KDM3B: variants seen among roughly 807,000 people sequenced by gnomAD.
The protein encoded by KDM3B is lysine-specific demethylase 3B.
A neutral mutation model predicts 170.0 loss-of-function variants in KDM3B; 10 were observed. The observed-to-expected ratio is 0.06, with a 90% CI of 0.04 to 0.10. KDM3B has a LOEUF of 0.10. Ranked by LOEUF, KDM3B falls within the 10% of genes least tolerant of loss-of-function variation. The pLI, the probability that KDM3B is intolerant of heterozygous loss-of-function variation, is 1.00. For missense variants in KDM3B, 1,394 were observed against 2,195.2 expected (o/e 0.64, Z 7.29); for synonymous variants, 831 against 834.8 (o/e 1.00, Z 0.08).
intron 5 of KDM3B, 35 bp downstream of exon 5, chr5:138,379,743 C>T: frequency 1.9e-6 from 3 of 1,590,280 alleles, no homozygotes; most frequent in South Asian, 2.3e-5. Flanking sequence ...AAGGTCCATC[C>T]ATCCCCTTAA....
At chr5:138,421,384 C>A (rs984579014) in intron 15 of KDM3B, among the ~76,000 whole-genome samples, 4 of 152,224 alleles carry the variant, frequency 2.6e-5, no homozygotes, top group African/African-American at 9.6e-5. Context: ...TGGTTGGTGG[C>A]ATCTCTGCCC....
At chr5:138,368,108 A>G (rs903689286) in intron 1 of KDM3B, among the ~76,000 whole-genome samples, 16 of 152,024 alleles carry the variant, frequency 1.1e-4, no homozygotes, top group Non-Finnish European at 1.8e-4. Flanking sequence ...ACTCAATCCA[A>G]TCACTACCCT....
chr5:138,408,443 A>G (rs1762880775), intron 11 of KDM3B, among the ~76,000 whole-genome samples: 1 of 152,044 alleles, frequency 6.6e-6, no homozygotes, highest in Non-Finnish European at 1.5e-5. Context: ...TCTTTCAACA[A>G]AGAAAACTTA....
At chr5:138,410,581 C>T (rs1012677853) in intron 11 of KDM3B, among the ~76,000 whole-genome samples, 1 of 152,154 alleles carries the variant, frequency 6.6e-6, no homozygotes, top group Non-Finnish European at 1.5e-5. Context: ...GAAATAAAGA[C>T]ACAAGACAGA....
chr5:138,426,862 CAAAAAAA>C (rs60899302), intron 17 of KDM3B, 106 bp from the exon 18 acceptor site: 6 of 552,278 alleles, frequency 1.1e-5, no homozygotes, highest in South Asian at 2.0e-5. Flanking sequence ...GACTCTGTCT[CAAAAAAA>C]AAAAAAAAAA....
chr5:138,405,911 A>T (rs1762807216), intron 11 of KDM3B, among the ~76,000 whole-genome samples: 1 of 152,234 alleles, frequency 6.6e-6, no homozygotes, highest in African/African-American at 2.4e-5. Flanking sequence ...GACTTTGATA[A>T]GTTGAAGATT....
At chr5:138,384,662 C>T (rs1269275755) in intron 6 of KDM3B, among the ~76,000 whole-genome samples, 1 of 150,850 alleles carries the variant, frequency 6.6e-6, no homozygotes, top group Non-Finnish European at 1.5e-5. Context: ...TCGCTTGAGC[C>T]TAGGAGGCGG....
chr5:138,366,472 T>C (rs894073850), intron 1 of KDM3B, among the ~76,000 whole-genome samples: 16 of 152,124 alleles, frequency 1.1e-4, no homozygotes, highest in East Asian at 3.9e-4. Context: ...CTGAGACTTA[T>C]AGGTGCACAC....
chr5:138,425,673 C>T, intron 17 of KDM3B, 91 bp downstream of exon 17: 1 of 1,170,094 alleles, frequency 8.5e-7, no homozygotes, highest in Non-Finnish European at 1.2e-6. Context: ...AAATTATATT[C>T]TGGGGCATAA....
At chr5:138,353,508 T>C (rs1334873604) in intron 1 of KDM3B, among the ~76,000 whole-genome samples, 1 of 152,166 alleles carries the variant, frequency 6.6e-6, no homozygotes, top group Non-Finnish European at 1.5e-5. Flanking sequence ...ATCTGGCAGT[T>C]ACTTCCTCAT....
Position 138,435,674 on chromosome 5 carries a change from C to A in KDM3B, c.5260C>A (p.His1754Asn). The change falls in exon 24 of 24, where the codon CAT becomes AAT. Residue 1754 changes from histidine (H) to asparagine (N), a missense_variant. Coordinates refer to ENST00000314358, the MANE Select transcript of KDM3B (RefSeq NM_016604.4). ...VKDAVGTLKA[H>N]ESKLARS Reference sequence around the variant, plus strand: ...AGATGCGGTTGGCACCCTCAAGGCTCATGAATCCAAACTGGCAAGGTCCTA... The same window carrying A: ...AGATGCGGTTGGCACCCTCAAGGCTAATGAATCCAAACTGGCAAGGTCCTA... The A allele has an allele frequency of 1.9e-6, 3 of 1,613,776 alleles. No individual in the cohort carries two copies. The highest frequency in any genetic ancestry group is 2.5e-6 in the Non-Finnish European group (3 of 1,179,818).
At chr5:138,419,518 G>T (rs1299829036) in intron 14 of KDM3B, among the ~76,000 whole-genome samples, 3 of 151,272 alleles carry the variant, frequency 2.0e-5, no homozygotes, top group Non-Finnish European at 4.4e-5. Context: ...AGCTGGGCGA[G>T]GTGGCGGGTG....
intron 11 of KDM3B, among the ~76,000 whole-genome samples, chr5:138,402,987 A>G (rs1762728052): frequency 6.6e-6 from 1 of 152,222 alleles, no homozygotes. Context: ...AAGTTCCTCA[A>G]AGCCCAAGAT....
rs1763255676 is a variant in KDM3B at position 138,420,860 on chromosome 5, G to A, written c.3870G>A (p.Gly1290=). The part of the protein sequence containing the change: ...GPTASNNKTE[G]SSLRDLLHSG... Reference sequence around the variant, plus strand: ...CTGCCTCCAACAACAAAACCGAAGGGTCTAGCCTTCGAGACCTCCTTCACT... The same window carrying A: ...CTGCCTCCAACAACAAAACCGAAGGATCTAGCCTTCGAGACCTCCTTCACT... The change falls in exon 15 of 24, where the codon GGG becomes GGA. Residue 1290 remains glycine (G), a synonymous_variant. Coordinates refer to ENST00000314358, the MANE Select transcript of KDM3B (RefSeq NM_016604.4). 5.0e-6 allele frequency: 8 copies of A among 1,613,900 alleles called. No individual in the cohort carries two copies. Among genetic ancestry groups the A allele is most frequent in the African/African-American group, 4.0e-5 (3 of 74,856 alleles).
chr5:138,419,608 T>C (rs1176712200), intron 14 of KDM3B, among the ~76,000 whole-genome samples: 1 of 138,952 alleles, frequency 7.2e-6, no homozygotes, highest in Non-Finnish European at 1.5e-5. Context: ...TGAGCCAAGA[T>C]CATGCCACTG....
chr5:138,434,850 A>T (rs1763634201), intron 23 of KDM3B, among the ~76,000 whole-genome samples: 1 of 152,214 alleles, frequency 6.6e-6, no homozygotes, highest in African/African-American at 2.4e-5. Context: ...AAAAAAATTA[A>T]TGGAGAATAG....
intron 1 of KDM3B, among the ~76,000 whole-genome samples, chr5:138,362,333 C>A (rs1761630359): frequency 6.6e-6 from 1 of 151,952 alleles, no homozygotes; most frequent in Admixed American, 6.6e-5. Context: ...TCATGAATCC[C>A]TTCCCTGCTA....
Position 138,391,749 on chromosome 5 carries a change from T to C in KDM3B, c.2117T>C (p.Leu706Pro), listed in dbSNP as rs1664973502. The change falls in exon 8 of 24, where the codon CTG becomes CCG. Residue 706 changes from leucine (L) to proline (P), a missense_variant. Physicochemically the swap from Leu to Pro is moderately conservative, Grantham distance 98. Coordinates refer to ENST00000314358, the MANE Select transcript of KDM3B (RefSeq NM_016604.4). This position sits in a 1 kb window ranked among gnomAD's most constrained non-coding sequence, Gnocchi z 5.0. Reference sequence around the variant, plus strand: ...TCCTCCAAGCTAGTATCTGGTGTTCTGGGCTCAGCTCTTACCAGTGGGGGC... The same window carrying C: ...TCCTCCAAGCTAGTATCTGGTGTTCCGGGCTCAGCTCTTACCAGTGGGGGC... ...TDSSKLVSGVLGSALTSGGPS... is the reference protein window; with the variant it reads ...TDSSKLVSGVPGSALTSGGPS... 2 of 1,614,132 alleles carry C rather than the reference T, an allele frequency of 1.2e-6. No individual in the cohort carries two copies.
chr5:138,375,275 C>T (rs2126925963), intron 3 of KDM3B, 69 bp downstream of exon 3: 1 of 936,100 alleles, frequency 1.1e-6, no homozygotes, highest in Non-Finnish European at 1.7e-6. Context: ...TTGATATAAA[C>T]ATAGGTGTTT....
Sources: gnomAD v4.1 joint callset for allele counts (sites outside exome capture counted in the v4.1 genomes callset) on GRCh38, gnomAD v4.1.1 for gene constraint, Gnocchi (gnomAD v3.1) non-coding constraint, MANE v1.5 for transcripts, NCBI Gene and HGNC (gene_info 2026-07-23, HGNC 2026-07-21) for gene names.